Variants in STAG3 observed in about 807,000 individuals in gnomAD.
The protein encoded by STAG3 is STAG3 cohesin complex component, also known as cohesin subunit SA-3.
In STAG3, 101 loss-of-function variants were observed where a neutral mutation model predicts 160.7. The observed-to-expected ratio is 0.63, with a 90% CI of 0.54 to 0.74. STAG3 has a LOEUF of 0.74. STAG3 is among the 30% of genes least tolerant of loss of function. The pLI is 0.00. For missense variants in STAG3, 1,188 were observed against 1,517.4 expected (o/e 0.78, Z 3.61); for synonymous variants, 519 against 585.0 (o/e 0.89, Z 1.63).
At chr7:100,215,122 T>G (rs1316841109), downstream of STAG3, 1 of 152,206 alleles carries the variant, frequency 6.6e-6, no homozygotes, top group Non-Finnish European at 1.5e-5. Flanking sequence ...CATTTTGTAC[T>G]TTCACTGTTT....
chr7:100,218,975 A>C (rs1803009985), downstream of STAG3: 1 of 158,002 alleles, frequency 6.3e-6, no homozygotes, highest in South Asian at 1.7e-4. Flanking sequence ...AGAGTTGAAA[A>C]TTCACCAAAG....
chr7:100,205,411 G>A (rs1040104536), intron 29 of STAG3, 27 bp downstream of exon 29: 10 of 1,568,490 alleles, frequency 6.4e-6, no homozygotes, highest in Admixed American at 4.0e-5. Flanking sequence ...GGGTATGGGG[G>A]TGCCCAGCAG....
At chr7:100,181,308 C>G (rs575599839) in intron 2 of STAG3, 1 of 152,268 alleles carries the variant, frequency 6.6e-6, no homozygotes, top group South Asian at 2.1e-4. Flanking sequence ...TATCCCCTGG[C>G]TGTTTTAATT....
chr7:100,193,000 C>T (rs1800436162), intron 8 of STAG3, among the ~76,000 whole-genome samples: 1 of 152,202 alleles, frequency 6.6e-6, no homozygotes, highest in Non-Finnish European at 1.5e-5. Flanking sequence ...TGAAATTACT[C>T]CTTGTTTCAT....
downstream of STAG3, among the ~76,000 whole-genome samples, chr7:100,217,174 A>C (rs1802833583): frequency 6.6e-6 from 1 of 152,258 alleles, no homozygotes; most frequent in Admixed American, 6.5e-5. Context: ...TTGTCTTAAA[A>C]GGTTAGAATG....
chr7:100,204,918 G>C (rs1801493927), intron 27 of STAG3, 87 bp from the exon 28 acceptor site: 2 of 1,575,412 alleles, frequency 1.3e-6, no homozygotes, highest in African/African-American at 1.4e-5. Flanking sequence ...CTGGGGACGG[G>C]GGGAGGGTGC....
chr7:100,193,054 A>G (rs12666425), intron 8 of STAG3, among the ~76,000 whole-genome samples: 44,765 of 152,170 alleles, frequency 0.29, 7,281 homozygotes, highest in East Asian at 0.63. Context: ...GAAAAAAGCA[A>G]CATGGATCTC....
intron 29 of STAG3, among the ~76,000 whole-genome samples, chr7:100,209,688 GCTT>G (rs755988568): frequency 6.6e-6 from 1 of 152,202 alleles, no homozygotes; most frequent in Non-Finnish European, 1.5e-5. Flanking sequence ...AGATAAGAGA[GCTT>G]CTTAGGCCGG....
At chr7:100,190,577 C>G (rs1208396781) in intron 8 of STAG3, among the ~76,000 whole-genome samples, 4 of 152,092 alleles carry the variant, frequency 2.6e-5, no homozygotes, top group Admixed American at 6.6e-5. Flanking sequence ...TCTCTGGGCT[C>G]TTGCTTAATC....
At chr7:100,180,726 C>T in intron 2 of STAG3, 54 bp downstream of exon 2, 1 of 1,066,402 alleles carries the variant, frequency 9.4e-7, no homozygotes, top group Non-Finnish European at 1.5e-6. Context: ...CAGCCTTCCC[C>T]CTCGTTTTCC....
chr7:100,178,277 T>C (rs970328582), intron 1 of STAG3, among the ~76,000 whole-genome samples: 7 of 152,270 alleles, frequency 4.6e-5, no homozygotes, highest in African/African-American at 1.7e-4. Context: ...TTTTACCTTC[T>C]GGAAAAATAG....
At chr7:100,193,900 G>A (rs1208294883) in intron 8 of STAG3, among the ~76,000 whole-genome samples, 11 of 149,146 alleles carry the variant, frequency 7.4e-5, no homozygotes, top group Admixed American at 7.3e-4. Context: ...CCTAGCTATC[G>A]ATTGGCCTGT....
At chr7:100,206,557 C>T (rs538300346) in intron 29 of STAG3, among the ~76,000 whole-genome samples, 1 of 151,908 alleles carries the variant, frequency 6.6e-6, no homozygotes, top group African/African-American at 2.4e-5. Context: ...CTGCAACCTC[C>T]GCCTCCCACG....
chr7:100,196,403 C>T (rs1301472581), intron 9 of STAG3, among the ~76,000 whole-genome samples: 1 of 151,966 alleles, frequency 6.6e-6, no homozygotes, highest in African/African-American at 2.4e-5. Flanking sequence ...GCCTCAGCCT[C>T]CCAAGTAGCT....
chr7:100,177,764 C>G (rs973499936), upstream of STAG3: 1 of 152,640 alleles, frequency 6.6e-6, no homozygotes, highest in African/African-American at 2.4e-5. Context: ...GAGGGCAGGA[C>G]GCCTGAGAGC....
intron 9 of STAG3, among the ~76,000 whole-genome samples, chr7:100,196,270 C>A (rs1800682317): frequency 6.6e-6 from 1 of 152,086 alleles, no homozygotes; most frequent in Non-Finnish European, 1.5e-5. Flanking sequence ...CTTTGGCCAA[C>A]AGTTGAATTA....
At chr7:100,215,825 A>C (rs1261019369), downstream of STAG3, among the ~76,000 whole-genome samples, 1 of 152,150 alleles carries the variant, frequency 6.6e-6, no homozygotes, top group Non-Finnish European at 1.5e-5. Context: ...GTGATGCTTG[A>C]CTAATAGAAG....
chr7:100,202,543 G>T lies in STAG3; in HGVS notation c.2653G>T (p.Val885Leu), dbSNP rs577132644. 6.2e-7 allele frequency: 1 copy of T among 1,614,124 alleles called. No homozygotes were observed. Among genetic ancestry groups the T allele is most frequent in the Admixed American group, 1.7e-5 (1 of 60,022 alleles). Residue 885 changes from valine (V) to leucine (L), a missense_variant, in exon 25 of 34, where the codon GTG becomes TTG. This residue lies in a region of STAG3 where 647 missense variants were observed against 717.2 expected (regional missense o/e 0.90). Transcript: ENST00000615138. Reference sequence around the variant, plus strand: ...GTTCTGCAAGCTGTTGCTTTATGGGGTGCTGGAGATGGATGCAGCCTCAGA... The same window carrying T: ...GTTCTGCAAGCTGTTGCTTTATGGGTTGCTGGAGATGGATGCAGCCTCAGA... Reference protein sequence around the residue: ...AGFCKLLLYGVLEMDAASDVF... With the variant: ...AGFCKLLLYGLLEMDAASDVF...
chr7:100,196,278 T>A (rs945592561), intron 9 of STAG3, among the ~76,000 whole-genome samples: 5 of 152,076 alleles, frequency 3.3e-5, no homozygotes, highest in Admixed American at 1.3e-4. Flanking sequence ...AACAGTTGAA[T>A]TAACTTTTTT....
Sources: allele counts gnomAD v4.1 joint callset (sites outside exome capture counted in the v4.1 genomes callset), GRCh38; gene constraint gnomAD v4.1.1; regional missense constraint gnomAD v4.1.1; transcripts MANE v1.5; gene names NCBI Gene and HGNC (gene_info 2026-07-23, HGNC 2026-07-21).